Variants in DISP1 observed in about 807,000 individuals in gnomAD.
The protein encoded by DISP1 is dispatched RND transporter family member 1.
A neutral mutation model predicts 37.3 loss-of-function variants in DISP1; 30 were observed. The observed-to-expected ratio is 0.80, with a 90% confidence interval of 0.60 to 1.09. The LOEUF (loss-of-function observed/expected upper bound fraction) is 1.09, where lower values mean the gene tolerates loss of function less well. Among genes scored for constraint, DISP1 ranks in the 50% least tolerant of loss-of-function variants. The pLI, the probability that DISP1 is intolerant of heterozygous loss-of-function variation, is 0.00. For synonymous variants in DISP1, 634 were observed against 690.2 expected (o/e 0.92, Z 1.28); for missense variants, 1,598 against 1,879.5 (o/e 0.85, Z 2.77).
At chr1:222,952,343 T>G (rs1453082300) in intron 3 of DISP1, among the ~76,000 whole-genome samples, 1 of 152,212 alleles carries the variant, frequency 6.6e-6, no homozygotes, top group Non-Finnish European at 1.5e-5. Context: ...AGAGTTTTAT[T>G]GAACAGGACT....
chr1:223,001,778 C>T (rs1679469335), intron 8 of DISP1, among the ~76,000 whole-genome samples: 1 of 152,104 alleles, frequency 6.6e-6, no homozygotes, highest in Non-Finnish European at 1.5e-5. Context: ...AGTCACACCC[C>T]CTAACACTAA....
intron 1 of DISP1, among the ~76,000 whole-genome samples, chr1:222,819,398 A>C (rs34229647): frequency 0.12 from 18,326 of 152,158 alleles, 1,483 homozygotes; most frequent in South Asian, 0.18. Context: ...ATTTAAAAAC[A>C]GTGAAAATCT....
At chr1:222,900,303 T>C (rs1173169409) in intron 1 of DISP1, among the ~76,000 whole-genome samples, 1 of 152,202 alleles carries the variant, frequency 6.6e-6, no homozygotes, top group Non-Finnish European at 1.5e-5. Context: ...AGGATAATCT[T>C]AGTACTTGCC....
intron 1 of DISP1, among the ~76,000 whole-genome samples, chr1:222,858,383 G>T (rs911308038): frequency 1.3e-5 from 2 of 152,032 alleles, no homozygotes; most frequent in Non-Finnish European, 2.9e-5. Flanking sequence ...AACCATAGAA[G>T]AAAATCTAGG....
At chr1:222,967,664 A>G (rs1012634027) in intron 3 of DISP1, among the ~76,000 whole-genome samples, 1 of 152,184 alleles carries the variant, frequency 6.6e-6, no homozygotes, top group African/African-American at 2.4e-5. Flanking sequence ...AAATACTTCA[A>G]CCTATGATGT....
intron 3 of DISP1, among the ~76,000 whole-genome samples, chr1:222,960,596 C>T (rs952469278): frequency 2.6e-5 from 4 of 151,804 alleles, no homozygotes; most frequent in African/African-American, 7.3e-5. Flanking sequence ...CAAAAGCTAG[C>T]AGAAGACAAG....
chr1:222,994,883 A>C lies in DISP1; in HGVS notation c.890-2A>C. 6.2e-7 allele frequency: 1 copy of C among 1,600,246 alleles called. No homozygotes were observed. On this transcript the variant is annotated splice_acceptor_variant, in intron 7 of 8. Transcript: ENST00000675850. LOFTEE classifies it high-confidence loss of function. The stretch of plus-strand genomic sequence containing the variant: ...CTTTCCTTTTTTTTTTCATATCACC[A>C]GGTGACCGATATTCCAGAGTGGTAT...
intron 4 of DISP1, among the ~76,000 whole-genome samples, chr1:222,986,116 A>G (rs897386994): frequency 2.6e-5 from 4 of 152,308 alleles, no homozygotes; most frequent in Admixed American, 6.5e-5. Context: ...AAGAATAGTT[A>G]GTTGACTTGG....
chr1:222,815,131 T>A (rs1201911503), intron 1 of DISP1, 53 bp downstream of exon 1: 2 of 151,862 alleles, frequency 1.3e-5, no homozygotes, highest in Non-Finnish European at 2.9e-5. Context: ...TGGATGCCTT[T>A]CGGCGCGCCG....
At chr1:222,902,285 T>G (rs1294379478) in intron 1 of DISP1, among the ~76,000 whole-genome samples, 1 of 152,212 alleles carries the variant, frequency 6.6e-6, no homozygotes, top group African/African-American at 2.4e-5. Context: ...CTTTCTCTTG[T>G]GGGCATTTAG....
intron 7 of DISP1, 117 bp from the exon 8 acceptor site, chr1:222,994,767 CT>C: frequency 1.4e-6 from 1 of 721,686 alleles, no homozygotes; most frequent in African/African-American, 1.8e-5. Context: ...GAATTTCCTG[CT>C]GCTAATGAAT....
chr1:222,838,861 T>C (rs1667414447), intron 1 of DISP1, among the ~76,000 whole-genome samples: 1 of 152,252 alleles, frequency 6.6e-6, no homozygotes. Flanking sequence ...TAATTTCATC[T>C]CTCTCCAAAT....
intron 4 of DISP1, 29 bp from the exon 5 acceptor site, chr1:222,990,596 G>A (rs201555361): frequency 2.4e-5 from 38 of 1,613,584 alleles, no homozygotes; most frequent in Middle Eastern, 1.7e-4. Context: ...ATGCAGCTCT[G>A]ATAGCCGACA....
chr1:222,829,786 A>AT (rs1307397076), intron 1 of DISP1, among the ~76,000 whole-genome samples: 1 of 152,046 alleles, frequency 6.6e-6, no homozygotes, highest in Non-Finnish European at 1.5e-5. Context: ...TATATTCTAT[A>AT]TTTTTTCATA....
intron 3 of DISP1, among the ~76,000 whole-genome samples, chr1:222,966,256 C>T (rs554437913): frequency 2.3e-4 from 35 of 152,036 alleles, no homozygotes; most frequent in African/African-American, 7.2e-4. Context: ...TGTAGGGAGG[C>T]AGAATAGTAT....
rs1036833872 is a variant in DISP1 at position 222,990,707 on chromosome 1, G to A, written c.622G>A (p.Val208Ile). The change falls in exon 5 of 9, where the codon GTA becomes ATA. Residue 208 changes from valine to isoleucine, a missense_variant. By Grantham distance (29) the Val-to-Ile change is conservative. Transcript: ENST00000675850. The part of the protein sequence containing the change: ...MFIVVCALVG[V>I]LVPELPDFSD... ...CATCGTAGTCTGTGCCTTGGTTGGA[G>A]TATTAGTGCCAGAGCTCCCTGACTT... The A allele has an allele frequency of 2.5e-6, 4 of 1,614,046 alleles. No individual in the cohort carries two copies. In the African/African-American group the frequency reaches 4.0e-5, roughly 16 times the overall value.
At chr1:222,831,649 A>G (rs770605866) in intron 1 of DISP1, among the ~76,000 whole-genome samples, 2 of 152,182 alleles carry the variant, frequency 1.3e-5, no homozygotes, top group Non-Finnish European at 2.9e-5. Flanking sequence ...GATTAGAGAA[A>G]ACTTTATACA....
chr1:222,984,983 A>C (rs569923308), intron 4 of DISP1, among the ~76,000 whole-genome samples: 1 of 152,354 alleles, frequency 6.6e-6, no homozygotes, highest in East Asian at 1.9e-4. Flanking sequence ...TGTAAGGCTG[A>C]ATAATATTCC....
At chr1:222,913,867 G>A (rs1310906697) in intron 1 of DISP1, among the ~76,000 whole-genome samples, 1 of 151,878 alleles carries the variant, frequency 6.6e-6, no homozygotes, top group East Asian at 1.9e-4. Flanking sequence ...ATCCAAGTGG[G>A]GGTAACTTGT....
Sources: gnomAD v4.1 joint callset for allele counts (sites outside exome capture counted in the v4.1 genomes callset) on GRCh38, gnomAD v4.1.1 for gene constraint, MANE v1.5 for transcripts, NCBI Gene and HGNC (gene_info 2026-07-23, HGNC 2026-07-21) for gene names.